Variants in UQCRH observed in about 807,000 individuals in gnomAD.
UQCRH encodes the protein cytochrome b-c1 complex subunit 6, mitochondrial.
UQCRH carries 14 observed loss-of-function variants against 16.3 expected under a neutral mutation model. That is an observed-to-expected ratio of 0.86 (90% confidence interval 0.57 to 1.34). UQCRH has a LOEUF of 1.34. UQCRH is among the 40% of genes most tolerant of loss of function. The probability of loss-of-function intolerance (pLI) is 0.00; values close to 1 mark genes in which losing one functional copy is unlikely to be tolerated. For synonymous variants in UQCRH, 41 were observed against 41.9 expected (o/e 0.98, Z 0.08); for missense variants, 89 against 111.9 (o/e 0.80, Z 0.92).
chr1:46,309,725 A>G (rs1401451413), intron 2 of UQCRH: 2 of 343,096 alleles, frequency 5.8e-6, no homozygotes, highest in Non-Finnish European at 9.5e-6. Context: ...GTCCTTCTCT[A>G]TGTTAGCATT....
At chr1:46,309,955 T>C (rs1661437308) in intron 2 of UQCRH, 200 bp from the exon 3 acceptor site, 2 of 1,447,990 alleles carry the variant, frequency 1.4e-6, no homozygotes, top group African/African-American at 2.8e-5. Context: ...TGTGAAACTT[T>C]TCCCTACTAC....
At position 46,309,012 on chromosome 1, in the gene UQCRH, G is replaced by T; in HGVS notation, c.55-89G>T. On this transcript the variant is annotated intron_variant, in intron 1 of 3. Coordinates refer to ENST00000311672, the MANE Select transcript of UQCRH (RefSeq NM_006004.4). ...CAAAATAACATCGTTAATAGTGTCA[G>T]TGTCTATCGTCAGTAATTACATCAG... The T allele has an allele frequency of 3.6e-6, 5 of 1,404,884 alleles. No homozygotes were observed. The Admixed American group carries it at 5.3e-5, about 15-fold the overall frequency. 87.0% of individuals were successfully genotyped at this position (1,404,884 alleles called of 1,614,324 possible).
chr1:46,304,375 A>G (rs914979117), intron 1 of UQCRH, among the ~76,000 whole-genome samples: 7 of 140,456 alleles, frequency 5.0e-5, no homozygotes, highest in African/African-American at 1.9e-4. Flanking sequence ...AGTGCTTTAT[A>G]TGCACTAATT....
intron 1 of UQCRH, among the ~76,000 whole-genome samples, chr1:46,307,308 G>A (rs952356317): frequency 1.3e-5 from 2 of 152,146 alleles, no homozygotes; most frequent in Non-Finnish European, 2.9e-5. Context: ...GCCTCCCAAA[G>A]TGCTGGGATT....
chr1:46,316,763 C>A lies in UQCRH; in HGVS notation c.*179C>A. The A allele has an allele frequency of 1.3e-6, 1 of 768,360 alleles. No homozygotes were observed. Among genetic ancestry groups the A allele is most frequent in the Non-Finnish European group, 1.9e-6 (1 of 524,230 alleles). The allele number at this position is 768,360 out of a possible 1,614,324, so 47.6% of individuals were successfully genotyped here. A position where few individuals can be genotyped will look rare whatever the true frequency, so the allele number is the denominator to read the frequency against. On this transcript the variant is annotated 3_prime_UTR_variant, in exon 4 of 4. Coordinates refer to ENST00000311672, the MANE Select transcript of UQCRH (RefSeq NM_006004.4). ...CAATGATTCCATCTAAATAAAAGTT[C>A]TATGATCTGCAAACCTGCCCGTCTT...
intron 2 of UQCRH, 88 bp downstream of exon 2, chr1:46,309,215 C>G: frequency 7.0e-7 from 1 of 1,431,078 alleles, no homozygotes; most frequent in Non-Finnish European, 9.6e-7. Context: ...GGAGTTTTTA[C>G]TTGATACCTT....
intron 2 of UQCRH, chr1:46,309,374 A>T: frequency 2.1e-6 from 1 of 479,756 alleles, no homozygotes; most frequent in South Asian, 3.5e-5. Context: ...CCTGGCACTC[A>T]ATCATCTGCT....
intron 1 of UQCRH, 78 bp downstream of exon 1, chr1:46,303,898 C>T (rs1263426272): frequency 1.4e-5 from 22 of 1,585,466 alleles, no homozygotes; most frequent in Non-Finnish European, 1.8e-5. Flanking sequence ...CGCACGGGGC[C>T]CTCTTAGCCC....
chr1:46,304,610 C>T (rs747263416), intron 1 of UQCRH, among the ~76,000 whole-genome samples: 1 of 152,118 alleles, frequency 6.6e-6, no homozygotes, highest in Non-Finnish European at 1.5e-5. Flanking sequence ...TGATCTCGAA[C>T]TCCTGACCTA....
intron 3 of UQCRH, among the ~76,000 whole-genome samples, chr1:46,312,605 A>G (rs1350185324): frequency 2.6e-5 from 4 of 151,924 alleles, no homozygotes; most frequent in Admixed American, 2.0e-4. Flanking sequence ...GCTGACGCTT[A>G]TGATCCTAGC....
chr1:46,310,610 GCCA>G (rs1661451752), intron 3 of UQCRH, among the ~76,000 whole-genome samples: 1 of 152,144 alleles, frequency 6.6e-6, no homozygotes, highest in East Asian at 1.9e-4. Context: ...ACAAGTGCAT[GCCA>G]CCATGAGAGG....
At chr1:46,313,684 G>T (rs1247703652) in intron 3 of UQCRH, among the ~76,000 whole-genome samples, 3 of 148,444 alleles carry the variant, frequency 2.0e-5, no homozygotes, top group Non-Finnish European at 4.5e-5. Flanking sequence ...TAGATAGATA[G>T]ATATAGATAA....
At chr1:46,315,493 C>T (rs11588996) in intron 3 of UQCRH, among the ~76,000 whole-genome samples, 1 of 149,320 alleles carries the variant, frequency 6.7e-6, no homozygotes, top group African/African-American at 2.5e-5. Flanking sequence ...ACTCAGGAGT[C>T]TGAGGCAGGA....
chr1:46,313,636 TATAGACAGATAG>T (rs908116776), intron 3 of UQCRH, among the ~76,000 whole-genome samples: 9 of 135,576 alleles, frequency 6.6e-5, no homozygotes, highest in African/African-American at 2.3e-4. Context: ...CTCAAAAAAA[TATAGACAGATAG>T]ATAGATAGAT....
intron 1 of UQCRH, among the ~76,000 whole-genome samples, chr1:46,308,186 C>T (rs1419131398): frequency 6.6e-6 from 1 of 152,058 alleles, no homozygotes; most frequent in Non-Finnish European, 1.5e-5. Flanking sequence ...TCGTTTTAAC[C>T]AAGTATGGTA....
intron 3 of UQCRH, among the ~76,000 whole-genome samples, chr1:46,313,358 G>A (rs1661516447): frequency 1.3e-5 from 2 of 152,154 alleles, no homozygotes; most frequent in Admixed American, 6.6e-5. Context: ...GCCGGGCGCG[G>A]TGGCTCACGC....
At chr1:46,306,196 T>C (rs1661370140) in intron 1 of UQCRH, among the ~76,000 whole-genome samples, 1 of 152,158 alleles carries the variant, frequency 6.6e-6, no homozygotes, top group Non-Finnish European at 1.5e-5. Flanking sequence ...TCAAACATAT[T>C]TGGATTTATT....
chr1:46,309,241 G>A (rs1661425433), intron 2 of UQCRH, 114 bp downstream of exon 2: 2 of 1,213,902 alleles, frequency 1.6e-6, no homozygotes, highest in Non-Finnish European at 2.3e-6. Context: ...TAATGGGGGT[G>A]GAATAAGCTT....
At position 46,310,331 on chromosome 1, in the gene UQCRH, A is replaced by T. The variant is rs775328081; in HGVS notation, c.243+15A>T. 4.2e-5 allele frequency: 68 copies of T among 1,613,918 alleles called. No homozygotes were observed. The highest frequency in any genetic ancestry group is 4.8e-5 in the Non-Finnish European group (57 of 1,179,908). On this transcript the variant is annotated intron_variant, in intron 3 of 3. Transcript: ENST00000311672. ...GGGACCATTGCGTAAGTCAGTGGGA[A>T]GTCAGGAAGGGGAAAGGTTGCAATG...
Sources: gnomAD v4.1 joint callset for allele counts (sites outside exome capture counted in the v4.1 genomes callset) on GRCh38, gnomAD v4.1.1 for gene constraint, MANE v1.5 for transcripts, NCBI Gene and HGNC (gene_info 2026-07-23, HGNC 2026-07-21) for gene names.